PKP4: variants seen among roughly 807,000 people sequenced by gnomAD.
PKP4 encodes plakophilin 4.
In PKP4, 90 loss-of-function variants were observed where a neutral mutation model predicts 145.1. The ratio of observed to expected loss-of-function variants is 0.62; its 90% CI spans 0.52 to 0.74. PKP4 has a LOEUF of 0.74. PKP4 is among the 30% of genes least tolerant of loss of function. The pLI is 0.00. For synonymous variants in PKP4, 563 were observed against 577.2 expected, an observed-to-expected ratio of 0.98 and a Z score of 0.35; for missense variants, 1,340 against 1,482.7, an observed-to-expected ratio of 0.90 and a Z score of 1.58.
At chr2:158,600,863 A>G (rs943577051) in intron 3 of PKP4, among the ~76,000 whole-genome samples, 2 of 152,160 alleles carry the variant, frequency 1.3e-5, no homozygotes, top group Non-Finnish European at 2.9e-5. Context: ...AGGAGGGAAT[A>G]TTATTGAGGC....
intron 17 of PKP4, among the ~76,000 whole-genome samples, chr2:158,672,691 TTA>T (rs1306510717): frequency 7.9e-5 from 12 of 152,260 alleles, no homozygotes; most frequent in African/African-American, 2.6e-4. Context: ...AATAAAAAGG[TTA>T]GAAAGGCTTT....
At chr2:158,493,252 A>G (rs1695209137) in intron 1 of PKP4, among the ~76,000 whole-genome samples, 1 of 152,182 alleles carries the variant, frequency 6.6e-6, no homozygotes. Flanking sequence ...ATAATGACAG[A>G]TCATAATTTT....
intron 7 of PKP4, among the ~76,000 whole-genome samples, chr2:158,626,748 A>G (rs894737974): frequency 1.3e-5 from 2 of 152,162 alleles, no homozygotes; most frequent in African/African-American, 4.8e-5. Context: ...AAGGGCTTTT[A>G]TTGAGTTATG....
chr2:158,655,126 C>T (rs1214848643), intron 11 of PKP4, among the ~76,000 whole-genome samples: 1 of 152,062 alleles, frequency 6.6e-6, no homozygotes, highest in Non-Finnish European at 1.5e-5. Context: ...GCACACAATG[C>T]CTGGCACAGA....
In PKP4 at chr2:158,533,332, G is replaced by A; in HGVS notation, c.132+16G>A. 6.2e-7 allele frequency: 1 copy of A among 1,613,636 alleles called. No homozygotes were observed. Among genetic ancestry groups the A allele is most frequent in the Non-Finnish European group, 8.5e-7 (1 of 1,179,598 alleles). ...GAAGGAGCAGGTACATCCTCGTATT[G>A]AAAGTTGCAGTGAATTATTTCTTTA... On this transcript the variant is annotated intron_variant, in intron 2 of 21. Coordinates refer to ENST00000389759, the MANE Select transcript of PKP4 (RefSeq NM_003628.6).
At chr2:158,617,546 T>C (rs555311694) in intron 4 of PKP4, among the ~76,000 whole-genome samples, 1 of 152,342 alleles carries the variant, frequency 6.6e-6, no homozygotes, top group East Asian at 1.9e-4. Flanking sequence ...ACTAGTATCT[T>C]TCATTCCACA....
At chr2:158,534,640 A>T (rs1278738442) in intron 2 of PKP4, among the ~76,000 whole-genome samples, 1 of 152,168 alleles carries the variant, frequency 6.6e-6, no homozygotes, top group Non-Finnish European at 1.5e-5. Flanking sequence ...AAACGTGGTA[A>T]ATTTATCAAA....
rs370250430 is a variant in PKP4 at position 158,642,581 on chromosome 2, C to T, written c.1791C>T (p.Leu597=). Residue 597 remains leucine, a synonymous_variant, in exon 11 of 22, where the codon CTC becomes CTT. Coordinates refer to ENST00000389759, the MANE Select transcript of PKP4 (RefSeq NM_003628.6). ...QKNACGALRN[L]VFGKSTDENK... is the part of the protein sequence containing the mutation. ...ATGCTTGTGGTGCCCTTCGAAACCT[C>T]GTTTTTGGCAAGTCTACAGATGAAA... is the stretch of plus-strand genomic sequence containing the variant. 9.3e-6 allele frequency: 15 copies of T among 1,613,634 alleles called. No individual in the cohort carries two copies. The highest frequency in any genetic ancestry group is 1.2e-5 in the Non-Finnish European group (14 of 1,179,774).
intron 3 of PKP4, among the ~76,000 whole-genome samples, chr2:158,581,323 C>A (rs779490040): frequency 5.9e-5 from 9 of 152,168 alleles, no homozygotes; most frequent in Non-Finnish European, 1.3e-4. Context: ...GTTTAATCAG[C>A]AAACTGGGGG....
Position 158,565,109 on chromosome 2 carries a change from A to G in PKP4, c.133-12162A>G, listed in dbSNP as rs563330847. On this transcript the variant is annotated intron_variant, in intron 2 of 21. Transcript: ENST00000389759. ...GCAAGTCATTTACTTTGCCCCTCCC[A>G]TTTTAGGATTGCTCAATTCAAAACT... Among the ~76,000 whole-genome samples the G allele has an allele frequency of 2.6e-5, 4 of 152,304 alleles. No individual in the cohort carries two copies. In the South Asian group the frequency reaches 8.3e-4, roughly 32 times the overall value.
At chr2:158,559,479 T>C (rs535603525) in intron 2 of PKP4, among the ~76,000 whole-genome samples, 1 of 152,212 alleles carries the variant, frequency 6.6e-6, no homozygotes, top group East Asian at 1.9e-4. Flanking sequence ...GGCCTCTGCT[T>C]ACAGGAGCCT....
In PKP4 at chr2:158,621,118, G is replaced by C. The variant is rs1209886825; in HGVS notation, c.409G>C (p.Glu137Gln). ...AGAACAGACATCTCTCCATGAAAGT[G>C]AGGGTCTGTTGTGTTATCTTTTAAG... ...SPEQTSLHES[E>Q]GSLGNSRSST... Residue 137 changes from glutamate to glutamine, a missense_variant, in exon 5 of 22, where the codon GAG (glutamate) becomes CAG (glutamine). By Grantham distance (29) the Glu-to-Gln change is conservative (BLOSUM62 2). Coordinates refer to ENST00000389759, the MANE Select transcript of PKP4 (RefSeq NM_003628.6). The C allele has an allele frequency of 6.2e-7, 1 of 1,614,064 alleles. No homozygotes were observed. Among genetic ancestry groups the C allele is most frequent in the African/African-American group, 1.3e-5 (1 of 74,932 alleles).
chr2:158,563,597 A>G (rs1204369132), intron 2 of PKP4, among the ~76,000 whole-genome samples: 1 of 151,950 alleles, frequency 6.6e-6, no homozygotes, highest in Non-Finnish European at 1.5e-5. Context: ...TCCCATTTTG[A>G]TGATTATTGG....
chr2:158,584,561 C>T (rs1265912660), intron 3 of PKP4, among the ~76,000 whole-genome samples: 1 of 152,184 alleles, frequency 6.6e-6, no homozygotes, highest in Non-Finnish European at 1.5e-5. Context: ...GTGGCTCATG[C>T]CTTTAGTCCT....
intron 2 of PKP4, among the ~76,000 whole-genome samples, chr2:158,566,717 C>T (rs2047018514): frequency 6.6e-6 from 1 of 152,164 alleles, no homozygotes. Flanking sequence ...TGTGATACCT[C>T]TTTTCCTCAA....
chr2:158,510,070 T>C (rs1574185288), intron 1 of PKP4, among the ~76,000 whole-genome samples: 1 of 152,154 alleles, frequency 6.6e-6, no homozygotes, highest in African/African-American at 2.4e-5. Flanking sequence ...TTTAAGAAAT[T>C]CAAAACCCTC....
chr2:158,674,034 C>G (rs116277552), intron 19 of PKP4, 34 bp downstream of exon 19: 2 of 1,124,702 alleles, frequency 1.8e-6, no homozygotes, highest in Admixed American at 1.7e-5. Flanking sequence ...TGGCGAGAAC[C>G]TTTGTGTGAC....
chr2:158,612,273 G>A (rs1445131113), intron 4 of PKP4, among the ~76,000 whole-genome samples: 1 of 152,126 alleles, frequency 6.6e-6, no homozygotes, highest in East Asian at 1.9e-4. Context: ...GTTATTCTGT[G>A]ACTTTTAAGT....
At chr2:158,643,722 AAAAAAAG>A (rs1558941865) in intron 11 of PKP4, among the ~76,000 whole-genome samples, 1 of 122,242 alleles carries the variant, frequency 8.2e-6, no homozygotes, top group Non-Finnish European at 1.8e-5. Context: ...CAAAAAAAAA[AAAAAAAG>A]AAAAGAAAAC....
Sources: allele counts gnomAD v4.1 joint callset (sites outside exome capture counted in the v4.1 genomes callset), GRCh38; gene constraint gnomAD v4.1.1; transcripts MANE v1.5; gene names NCBI Gene and HGNC (gene_info 2026-07-23, HGNC 2026-07-21).